Variants in DLGAP2 observed in about 807,000 individuals in gnomAD.
The protein encoded by DLGAP2 is DLG associated protein 2.
In DLGAP2, 26 loss-of-function variants were observed where a neutral mutation model predicts 100.3. That is an observed-to-expected ratio of 0.26 (90% CI 0.19 to 0.36). The LOEUF (loss-of-function observed/expected upper bound fraction) is 0.36. Ranked by LOEUF, DLGAP2 falls within the 10% of genes least tolerant of loss-of-function variation. The pLI, the probability that DLGAP2 is intolerant of heterozygous loss-of-function variation, is 1.00. For missense variants in DLGAP2, 1,858 were observed against 1,453.2 expected (o/e 1.28, Z -4.53); for synonymous variants, 886 against 630.1 (o/e 1.41, Z -6.08).
At chr8:1,325,696 C>G (rs971339869) in intron 3 of DLGAP2, among the ~76,000 whole-genome samples, 1 of 152,194 alleles carries the variant, frequency 6.6e-6, no homozygotes, top group Non-Finnish European at 1.5e-5. Context: ...CTCGCGTGTG[C>G]TGCTAGAGAG....
At chr8:1,476,575 T>A (rs1798935843) in intron 3 of DLGAP2, among the ~76,000 whole-genome samples, 1 of 152,148 alleles carries the variant, frequency 6.6e-6, no homozygotes, top group Non-Finnish European at 1.5e-5. Flanking sequence ...CCAGGGCAAA[T>A]GTTAGTGCTG....
At chr8:989,461 C>T (rs1300357463) in intron 2 of DLGAP2, among the ~76,000 whole-genome samples, 1 of 152,200 alleles carries the variant, frequency 6.6e-6, no homozygotes, top group East Asian at 1.9e-4. Context: ...GCTTCACTTC[C>T]TCTGTCCTCT....
rs1289570783 is a variant in DLGAP2 at position 1,385,265 on chromosome 8, G to A, written c.107-116101G>A. On this transcript the variant is annotated intron_variant, in intron 3 of 14. Coordinates refer to ENST00000637795, the MANE Select transcript of DLGAP2 (RefSeq NM_001346810.2). ...GTGGACAGTTACCCGGCCTGTGCCC[G>A]TCCCCTGAGAACTTGGTGCACAGTT... Among the ~76,000 whole-genome samples, 10 of 61,752 alleles carry A rather than the reference G, an allele frequency of 1.6e-4. 1 individual carries two copies. Among genetic ancestry groups the A allele is most frequent in the African/African-American group, 5.9e-4 (10 of 16,862 alleles). The allele number at this position is 61,752 out of a possible 152,430, so 40.5% of individuals were successfully genotyped here.
rs186063393 is a variant in DLGAP2, at chr8:1,176,570, C to G, written c.74-82281C>G. ...CTGGTTTATTGACGTTGTTCATGCTCAGGTCCCACCCATCTCAATCCAGTG... is the reference window on the plus strand; with the variant it reads ...CTGGTTTATTGACGTTGTTCATGCTGAGGTCCCACCCATCTCAATCCAGTG... On this transcript the variant is annotated intron_variant, in intron 2 of 14. Coordinates refer to ENST00000637795, the MANE Select transcript of DLGAP2 (RefSeq NM_001346810.2). 7.7e-3 allele frequency among the ~76,000 whole-genome samples: 1,112 copies of G among 144,900 alleles called. 7 individuals are homozygous for G. Among genetic ancestry groups the G allele is most frequent in the Non-Finnish European group, 0.013 (871 of 66,298 alleles).
At chr8:1,343,067 C>A (rs187465583) in intron 3 of DLGAP2, among the ~76,000 whole-genome samples, 2 of 152,226 alleles carry the variant, frequency 1.3e-5, no homozygotes, top group South Asian at 2.1e-4. Context: ...TTTCACAAAC[C>A]GGAGACACAA....
In DLGAP2 at chr8:1,194,313, C is replaced by T. The variant is rs371395197; in HGVS notation, c.74-64538C>T. ...AGAGACAAGCAGACGTTGGCAGTGCCGCGTCCCGGCTGGTGGAGGGAGCCC... is the reference window on the plus strand; with the variant it reads ...AGAGACAAGCAGACGTTGGCAGTGCTGCGTCCCGGCTGGTGGAGGGAGCCC... On this transcript the variant is annotated intron_variant, in intron 2 of 14. Transcript: ENST00000637795. 1.3e-3 allele frequency among the ~76,000 whole-genome samples: 191 copies of T among 152,202 alleles called. 2 individuals carry two copies. The highest frequency in any genetic ancestry group is 4.1e-3 in the African/African-American group (171 of 41,540).
chr8:1,124,986 C>T (rs184581684), intron 2 of DLGAP2, among the ~76,000 whole-genome samples: 37 of 152,290 alleles, frequency 2.4e-4, no homozygotes, highest in Non-Finnish European at 3.7e-4. Context: ...TGCCCCCACA[C>T]GGAGGAAGCA....
chr8:997,414 A>G (rs1357260550), intron 2 of DLGAP2, among the ~76,000 whole-genome samples: 1 of 152,184 alleles, frequency 6.6e-6, no homozygotes, highest in East Asian at 1.9e-4. Flanking sequence ...TACACATGTT[A>G]TAAGACATTG....
At chr8:1,511,137 CCTCCAT>C in intron 4 of DLGAP2, among the ~76,000 whole-genome samples, 1 of 152,374 alleles carries the variant, frequency 6.6e-6, no homozygotes, top group East Asian at 1.9e-4. Context: ...GGGTGACCAT[CCTCCAT>C]GGATGTAAGG....
chr8:1,144,632 T>G (rs975612637), intron 2 of DLGAP2, among the ~76,000 whole-genome samples: 3 of 152,220 alleles, frequency 2.0e-5, no homozygotes. Flanking sequence ...TGCGTCTAGG[T>G]AAATATTAAT....
intron 8 of DLGAP2, among the ~76,000 whole-genome samples, chr8:1,647,046 G>A (rs551561469): frequency 9.8e-4 from 149 of 152,310 alleles, no homozygotes; most frequent in South Asian, 3.9e-3. Context: ...ATCTGACAGC[G>A]GTGCCGGGGC....
chr8:922,227 C>T lies in DLGAP2; in HGVS notation c.73+14261C>T, dbSNP rs1235105246. Among the ~76,000 whole-genome samples, 3 of 152,214 alleles carry T rather than the reference C, an allele frequency of 2.0e-5. No individual in the cohort carries two copies. The East Asian group carries it at 5.8e-4, about 29-fold the overall frequency. ...AATACTTTAAGCTGGAAGTGGAAGC[C>T]TTCTCTCTTCTCTAACCCATTAACC... On this transcript the variant is annotated intron_variant, in intron 2 of 14. Coordinates refer to ENST00000637795, the MANE Select transcript of DLGAP2 (RefSeq NM_001346810.2).
intron 2 of DLGAP2, among the ~76,000 whole-genome samples, chr8:1,107,300 C>T (rs1563195950): frequency 6.6e-6 from 1 of 152,172 alleles, no homozygotes; most frequent in African/African-American, 2.4e-5. Flanking sequence ...TCTAGATACT[C>T]ATCACCACTC....
chr8:1,156,595 G>C (rs10086551), intron 2 of DLGAP2, among the ~76,000 whole-genome samples: 2 of 148,738 alleles, frequency 1.3e-5, no homozygotes, highest in Non-Finnish European at 3.0e-5. Flanking sequence ...CCAGCCCAGC[G>C]CCCCAGCCTA....
intron 3 of DLGAP2, among the ~76,000 whole-genome samples, chr8:1,494,729 A>C (rs1358600313): frequency 6.6e-6 from 1 of 151,986 alleles, no homozygotes; most frequent in Non-Finnish European, 1.5e-5. Flanking sequence ...CTCCATCTAA[A>C]AAAAAAAGGA....
At chr8:949,930 C>T (rs1204778363) in intron 2 of DLGAP2, among the ~76,000 whole-genome samples, 1 of 152,146 alleles carries the variant, frequency 6.6e-6, no homozygotes, top group Admixed American at 6.5e-5. Context: ...AAATGGGAGT[C>T]GTGGAAGATA....
chr8:1,653,854 T>G (rs1192996697), intron 8 of DLGAP2, among the ~76,000 whole-genome samples: 2 of 152,220 alleles, frequency 1.3e-5, no homozygotes, highest in Non-Finnish European at 2.9e-5. Context: ...TGATTTAGGA[T>G]ATATTCATTT....
At chr8:1,320,763 C>T (rs1800877653) in intron 3 of DLGAP2, among the ~76,000 whole-genome samples, 1 of 152,212 alleles carries the variant, frequency 6.6e-6, no homozygotes, top group Admixed American at 6.5e-5. Flanking sequence ...CGGTCTTCCC[C>T]CAAGCCATAG....
chr8:1,631,047 G>T (rs965301778), intron 7 of DLGAP2, among the ~76,000 whole-genome samples: 1 of 151,068 alleles, frequency 6.6e-6, no homozygotes, highest in Non-Finnish European at 1.5e-5. Context: ...GGAGGTCCGG[G>T]TGCCCCAAGG....
Sources: allele counts gnomAD v4.1 joint callset (sites outside exome capture counted in the v4.1 genomes callset), GRCh38; gene constraint gnomAD v4.1.1; transcripts MANE v1.5; gene names NCBI Gene and HGNC (gene_info 2026-07-23, HGNC 2026-07-21).